The following TRPM3 variants were observed in gnomAD, a reference collection of about 807,000 sequenced individuals.
TRPM3 encodes long transient receptor potential channel 3.
In TRPM3, 77 loss-of-function variants were observed where a neutral mutation model predicts 181.2. The ratio of observed to expected loss-of-function variants is 0.42; its 90% CI spans 0.35 to 0.51. The LOEUF (loss-of-function observed/expected upper bound fraction) is 0.51, where lower values mean the gene tolerates loss of function less well. TRPM3 is among the 20% of genes least tolerant of loss of function. The pLI, the probability that TRPM3 is intolerant of heterozygous loss-of-function variation, is 0.01. For synonymous variants in TRPM3, 745 were observed against 796.4 expected (o/e 0.94, Z 1.09); for missense variants, 1,759 against 2,196.7 (o/e 0.80, Z 3.98).
At chr9:70,918,135 T>C (rs567482067) in intron 1 of TRPM3, among the ~76,000 whole-genome samples, 83 of 152,320 alleles carry the variant, frequency 5.4e-4, no homozygotes, top group African/African-American at 1.8e-3. Context: ...AAGCAATGAT[T>C]ATTAGAGCTA....
chr9:70,962,969 G>A (rs1041696621), intron 1 of TRPM3, among the ~76,000 whole-genome samples: 12 of 152,094 alleles, frequency 7.9e-5, no homozygotes, highest in African/African-American at 1.2e-4. Flanking sequence ...GGTCATTTTT[G>A]TAATCTTTTG....
intron 1 of TRPM3, among the ~76,000 whole-genome samples, chr9:71,422,577 C>A (rs2093796316): frequency 6.6e-6 from 1 of 151,966 alleles, no homozygotes; most frequent in African/African-American, 2.4e-5. Context: ...CTACTTTATA[C>A]TTAATAAATG....
chr9:70,683,046 GC>G (rs1300620902), intron 8 of TRPM3, among the ~76,000 whole-genome samples: 1 of 152,162 alleles, frequency 6.6e-6, no homozygotes, highest in Non-Finnish European at 1.5e-5. Flanking sequence ...TAGAAGAACA[GC>G]TGTGATTGGA....
chr9:70,898,610 T>C (rs1462105590), intron 1 of TRPM3, among the ~76,000 whole-genome samples: 6 of 149,372 alleles, frequency 4.0e-5, no homozygotes, highest in Admixed American at 1.3e-4. Flanking sequence ...TAGCCAGGCA[T>C]GTTTGTGCGT....
At chr9:71,076,412 C>A (rs2063469853) in intron 1 of TRPM3, among the ~76,000 whole-genome samples, 1 of 152,158 alleles carries the variant, frequency 6.6e-6, no homozygotes, top group Non-Finnish European at 1.5e-5. Context: ...TTCCTCTGCT[C>A]TTGGGTTCCT....
chr9:70,641,817 A>G (rs1589684249), intron 9 of TRPM3, among the ~76,000 whole-genome samples: 1 of 152,204 alleles, frequency 6.6e-6, no homozygotes, highest in Non-Finnish European at 1.5e-5. Flanking sequence ...GGGAAGCTGG[A>G]AATGGAGGCA....
rs12351736 is a variant in TRPM3, at chr9:70,923,828, C to G, written c.178-59317G>C. On this transcript the variant is annotated intron_variant, in intron 1 of 25. Transcript: ENST00000677713. ...ACTCTCTCTCTCTCTCTCTCTCTCT[C>G]TATATATATATATATACACACACAC... Among the ~76,000 whole-genome samples the G allele has an allele frequency of 2.3e-3, 307 of 136,086 alleles. 1 individual carries two copies. Among genetic ancestry groups the G allele is most frequent in the African/African-American group, 8.2e-3 (296 of 36,182 alleles). The allele number at this position is 136,086 out of a possible 152,430, so 89.3% of individuals were successfully genotyped here.
chr9:71,364,711 G>A (rs888382382), intron 1 of TRPM3, among the ~76,000 whole-genome samples: 6 of 152,200 alleles, frequency 3.9e-5, no homozygotes, highest in Non-Finnish European at 8.8e-5. Context: ...CCTACAGCTT[G>A]AGAGTAGTAT....
At chr9:71,130,885 G>A (rs765233084) in intron 1 of TRPM3, among the ~76,000 whole-genome samples, 1 of 152,194 alleles carries the variant, frequency 6.6e-6, no homozygotes, top group East Asian at 1.9e-4. Flanking sequence ...AGAATAGGTA[G>A]ATATAGCTGT....
At chr9:70,913,333 G>T (rs10117917) in intron 1 of TRPM3, among the ~76,000 whole-genome samples, 12,129 of 152,052 alleles carry the variant, frequency 0.08, 651 homozygotes, top group African/African-American at 0.15. Flanking sequence ...TAGTCCCTGG[G>T]GGTCAAAAAT....
chr9:71,420,978 A>AGAGAAAAAGT, intron 1 of TRPM3, among the ~76,000 whole-genome samples: 1 of 59,780 alleles, frequency 1.7e-5, no homozygotes, highest in East Asian at 5.8e-4. Context: ...AGAGAAAAAG[A>AGAGAAAAAGT]GAGAGAAAAA....
At chr9:70,818,879 G>T (rs1465632449) in intron 6 of TRPM3, among the ~76,000 whole-genome samples, 2 of 152,186 alleles carry the variant, frequency 1.3e-5, no homozygotes, top group Non-Finnish European at 2.9e-5. Context: ...GTGGCATTAG[G>T]ATTTGAAGGA....
At chr9:70,810,517 T>G (rs546801630) in intron 6 of TRPM3, among the ~76,000 whole-genome samples, 150 of 152,208 alleles carry the variant, frequency 9.9e-4, no homozygotes, top group African/African-American at 3.5e-3. Context: ...CTCCACCATC[T>G]TGCAACTAAC....
intron 7 of TRPM3, 165 bp downstream of exon 7, chr9:70,783,940 C>G (rs960161088): frequency 8.7e-6 from 12 of 1,387,100 alleles, no homozygotes; most frequent in Non-Finnish European, 1.1e-5. Context: ...ATATGTTTCT[C>G]TGTTCTTCAC....
intron 8 of TRPM3, among the ~76,000 whole-genome samples, chr9:70,689,748 A>T (rs1279476393): frequency 1.3e-5 from 2 of 152,052 alleles, no homozygotes; most frequent in Non-Finnish European, 2.9e-5. Flanking sequence ...AAACTTGAAG[A>T]CTCAAAGCAG....
At chr9:71,147,640 T>C (rs2075497134) in intron 1 of TRPM3, among the ~76,000 whole-genome samples, 1 of 152,204 alleles carries the variant, frequency 6.6e-6, no homozygotes, top group Non-Finnish European at 1.5e-5. Context: ...ATCTCTAGTC[T>C]GAATGGAAAT....
chr9:71,109,736 G>A (rs537978986), intron 1 of TRPM3, among the ~76,000 whole-genome samples: 1 of 152,172 alleles, frequency 6.6e-6, no homozygotes, highest in African/African-American at 2.4e-5. Context: ...GGTAACAGGG[G>A]CAAATACAAG....
chr9:71,003,448 A>G (rs1292726494), intron 1 of TRPM3, among the ~76,000 whole-genome samples: 4 of 151,288 alleles, frequency 2.6e-5, no homozygotes, highest in African/African-American at 4.9e-5. Context: ...TTTGGGGTAA[A>G]TTACTAAAAT....
chr9:71,165,347 G>C (rs1297279513), intron 1 of TRPM3, among the ~76,000 whole-genome samples: 1 of 152,082 alleles, frequency 6.6e-6, no homozygotes, highest in East Asian at 1.9e-4. Context: ...CTGCTGTTTT[G>C]TTATGGGTTT....
Sources: allele counts gnomAD v4.1 joint callset (sites outside exome capture counted in the v4.1 genomes callset), GRCh38; gene constraint gnomAD v4.1.1; transcripts MANE v1.5; gene names NCBI Gene and HGNC (gene_info 2026-07-23, HGNC 2026-07-21).